Variants in CACNA1C observed in about 807,000 individuals in gnomAD.
The protein encoded by CACNA1C is calcium voltage-gated channel subunit alpha1 C.
CACNA1C carries 30 observed loss-of-function variants against 229.0 expected under a neutral mutation model. That is an observed-to-expected ratio of 0.13 (90% CI 0.10 to 0.18). CACNA1C has a LOEUF of 0.18. Ranked by LOEUF, CACNA1C falls within the 10% of genes least tolerant of loss-of-function variation. CACNA1C has a pLI of 1.00. For missense variants in CACNA1C, 1,658 were observed against 2,845.0 expected (o/e 0.58, Z 9.49); for synonymous variants, 1,114 against 1,132.5 (o/e 0.98, Z 0.33).
chr12:1,998,008 T>G, intron 1 of CACNA1C: 9 of 1,580,250 alleles, frequency 5.7e-6, no homozygotes, highest in Non-Finnish European at 7.7e-6. Context: ...ACAAGACATG[T>G]ATGTTCTCTT....
chr12:2,294,199 C>T (rs192498987), intron 3 of CACNA1C, among the ~76,000 whole-genome samples: 80 of 152,060 alleles, frequency 5.3e-4, no homozygotes, highest in African/African-American at 1.9e-3. Context: ...TTTTGCCTGG[C>T]CTTAAAGGGG....
chr12:2,563,892 A>G (rs551893019), intron 11 of CACNA1C, among the ~76,000 whole-genome samples: 1 of 152,358 alleles, frequency 6.6e-6, no homozygotes, highest in East Asian at 1.9e-4. Flanking sequence ...GTGCTGCTAC[A>G]TGCCCGGGGG....
rs138995993 is a variant in CACNA1C, at chr12:2,495,666, G to A, written c.1113+2280G>A. 3.1e-4 allele frequency among the ~76,000 whole-genome samples: 47 copies of A among 152,344 alleles called. No individual in the cohort carries two copies. In the East Asian group the frequency reaches 3.9e-3, roughly 13 times the overall value. ...TGTTGTGCCTTCTCCCCTGGGGAGC[G>A]TGTGATAGTGCTCAGGCTGGGAATG... On this transcript the variant is annotated intron_variant, in intron 7 of 46. Transcript: ENST00000399655.
intron 1 of CACNA1C, among the ~76,000 whole-genome samples, chr12:1,989,301 G>A (rs1323385728): frequency 6.6e-6 from 1 of 152,224 alleles, no homozygotes; most frequent in African/African-American, 2.4e-5. Context: ...CAATGCCATG[G>A]CACTCCAGCC....
chr12:2,144,086 G>A (rs2094505674), intron 3 of CACNA1C, among the ~76,000 whole-genome samples: 1 of 151,320 alleles, frequency 6.6e-6, no homozygotes, highest in Non-Finnish European at 1.5e-5. Flanking sequence ...GCACCACGTG[G>A]GCACACAGGA....
chr12:2,067,624 G>C lies in CACNA1C; in HGVS notation c.49+14013G>C, dbSNP rs1470097777. Among the ~76,000 whole-genome samples the C allele has an allele frequency of 6.6e-6, 1 of 152,194 alleles. No individual in the cohort carries two copies. The highest frequency in any genetic ancestry group is 1.5e-5 in the Non-Finnish European group (1 of 68,040). On this transcript the variant is annotated intron_variant, in intron 1 of 46. Transcript: ENST00000399655. The surrounding 1 kb of genome is among the most constrained non-coding windows in gnomAD (Gnocchi z 5.3). ...GGTGTGCAGCCCTGAGGTCACGTTT[G>C]TGACGTGGATGGAAGGAAGCAGGGG...
At chr12:2,548,009 G>A (rs189906474) in intron 9 of CACNA1C, among the ~76,000 whole-genome samples, 274 of 152,284 alleles carry the variant, frequency 1.8e-3, no homozygotes, top group Admixed American at 2.4e-3. Context: ...CTTTTTCTAC[G>A]TGGCCTAGCC....
intron 3 of CACNA1C, among the ~76,000 whole-genome samples, chr12:2,419,042 AT>A (rs368948443): frequency 2.0e-5 from 3 of 152,192 alleles, no homozygotes; most frequent in African/African-American, 7.2e-5. Flanking sequence ...TGGGGTGTTC[AT>A]TTTACAGATT....
intron 1 of CACNA1C, among the ~76,000 whole-genome samples, chr12:2,094,204 A>G (rs1266318062): frequency 6.6e-6 from 1 of 152,202 alleles, no homozygotes; most frequent in Non-Finnish European, 1.5e-5. Flanking sequence ...ATCCCACTCC[A>G]CAATCTGAAG....
intron 5 of CACNA1C, among the ~76,000 whole-genome samples, chr12:2,468,841 C>A (rs1036063028): frequency 3.9e-5 from 6 of 152,212 alleles, no homozygotes; most frequent in African/African-American, 1.4e-4. Context: ...GACCCTCAGC[C>A]TCCTCACCTG....
rs1231323774 is a variant in CACNA1C at position 2,566,469 on chromosome 12, C to T, written c.1556C>T (p.Ala519Val). 1.2e-5 allele frequency: 19 copies of T among 1,596,166 alleles called. No homozygotes were observed. Among genetic ancestry groups the T allele is most frequent in the Non-Finnish European group, 1.5e-5 (18 of 1,171,354 alleles). Residue 519 changes from alanine (A) to valine (V), a missense_variant, in exon 12 of 47, where the codon GCC becomes GTC. Ala to Val is a moderately conservative substitution (Grantham distance 64). Coordinates refer to ENST00000399655, the MANE Select transcript of CACNA1C (RefSeq NM_000719.7). The surrounding 1 kb of genome is among the most constrained non-coding windows in gnomAD (Gnocchi z 4.0). ...CGGTTCTGCAGAAGGAAGTGCCGCG[C>T]CGCAGTCAAGTCTAATGTCTTCTAC... The part of the protein sequence containing the change: ...WNRFCRRKCR[A>V]AVKSNVFYWL...
At chr12:2,475,438 T>C (rs1232560685) in intron 5 of CACNA1C, among the ~76,000 whole-genome samples, 2 of 152,176 alleles carry the variant, frequency 1.3e-5, no homozygotes, top group African/African-American at 2.4e-5. Flanking sequence ...AATTGAGATA[T>C]TGGAATTGTC....
chr12:2,609,123 T>G (rs1403882203), intron 27 of CACNA1C, among the ~76,000 whole-genome samples: 1 of 152,142 alleles, frequency 6.6e-6, no homozygotes, highest in Non-Finnish European at 1.5e-5. Flanking sequence ...AAACCACTCT[T>G]ACATGGTTTC....
At chr12:2,674,134 G>A (rs1279597417) in intron 38 of CACNA1C, among the ~76,000 whole-genome samples, 2 of 152,252 alleles carry the variant, frequency 1.3e-5, no homozygotes, top group Non-Finnish European at 2.9e-5. Flanking sequence ...CACCCATGGG[G>A]ACCAGCCCCC....
chr12:2,376,689 G>A (rs1416573449), intron 3 of CACNA1C, among the ~76,000 whole-genome samples: 2 of 152,174 alleles, frequency 1.3e-5, no homozygotes, highest in East Asian at 3.9e-4. Flanking sequence ...GAGCTATGTG[G>A]AGGGCAAGAC....
chr12:2,324,369 A>T (rs1178672676), intron 3 of CACNA1C, among the ~76,000 whole-genome samples: 3 of 152,134 alleles, frequency 2.0e-5, no homozygotes, highest in Non-Finnish European at 4.4e-5. Context: ...ATTTCTCTGG[A>T]CCAAGAAGGG....
intron 1 of CACNA1C, among the ~76,000 whole-genome samples, chr12:2,012,164 T>C (rs958100947): frequency 3.3e-5 from 5 of 152,206 alleles, no homozygotes; most frequent in Admixed American, 1.3e-4. Flanking sequence ...GAAAAATACT[T>C]GGCTTGGTCA....
chr12:2,275,298 G>A lies in CACNA1C; in HGVS notation c.477+154868G>A, dbSNP rs2087255664. Among the ~76,000 whole-genome samples the A allele has an allele frequency of 6.6e-6, 1 of 152,126 alleles. No individual in the cohort carries two copies. The highest frequency in any genetic ancestry group is 1.5e-5 in the Non-Finnish European group (1 of 68,024). On this transcript the variant is annotated intron_variant, in intron 3 of 46. Coordinates refer to ENST00000399655, the MANE Select transcript of CACNA1C (RefSeq NM_000719.7). This position sits in a 1 kb window ranked among gnomAD's most constrained non-coding sequence, Gnocchi z 4.1. The stretch of plus-strand genomic sequence containing the variant: ...TCAGGCTCTGTGTGGCAAGGGCGAG[G>A]GAGAGGCATGACTATGTGTCTCTGC...
chr12:2,092,318 A>T (rs929962786), intron 1 of CACNA1C, among the ~76,000 whole-genome samples: 13 of 152,208 alleles, frequency 8.5e-5, no homozygotes, highest in African/African-American at 3.1e-4. Flanking sequence ...GTGATTTCCT[A>T]TGAAACTTCA....
Sources: gnomAD v4.1 joint callset for allele counts (sites outside exome capture counted in the v4.1 genomes callset) on GRCh38, gnomAD v4.1.1 for gene constraint, Gnocchi (gnomAD v3.1) non-coding constraint, MANE v1.5 for transcripts, NCBI Gene and HGNC (gene_info 2026-07-23, HGNC 2026-07-21) for gene names.